The following RAD9A variants were observed in gnomAD, a reference collection of about 807,000 sequenced individuals.
RAD9A encodes the protein RAD9 checkpoint clamp component A, also known as cell cycle checkpoint control protein RAD9A.
A neutral mutation model predicts 41.2 loss-of-function variants in RAD9A; 25 were observed. The ratio of observed to expected loss-of-function variants is 0.61; its 90% CI spans 0.44 to 0.85. The LOEUF (loss-of-function observed/expected upper bound fraction) is 0.85. RAD9A is among the 40% of genes least tolerant of loss of function. RAD9A has a pLI of 0.00. For missense variants in RAD9A, 514 were observed against 518.3 expected (o/e 0.99, Z 0.08); for synonymous variants, 252 against 210.6 (o/e 1.20, Z -1.70).
chr11:67,397,260 C>T lies in RAD9A; in HGVS notation c.954C>T (p.Gly318=). The T allele has an allele frequency of 1.2e-6, 2 of 1,612,400 alleles. No homozygotes were observed. The highest frequency in any genetic ancestry group is 1.7e-6 in the Non-Finnish European group (2 of 1,178,870). Residue 318 remains glycine (G), a synonymous_variant, in exon 10 of 11, where the codon GGC becomes GGT. Coordinates refer to ENST00000307980, the MANE Select transcript of RAD9A (RefSeq NM_004584.3). Reference sequence around the variant, plus strand: ...TGGAAACCACTATAGGCAATGAGGGCTCGCGGGTGCTGCCCTCCATTTCCC... The same window carrying T: ...TGGAAACCACTATAGGCAATGAGGGTTCGCGGGTGCTGCCCTCCATTTCCC... ...IAMETTIGNE[G]SRVLPSISLS... is the part of the protein sequence containing the mutation.
chr11:67,393,279 C>G (rs945204354), intron 3 of RAD9A: 138 of 1,010,704 alleles, frequency 1.4e-4, no homozygotes, highest in Non-Finnish European at 1.6e-4. Context: ...GACTCCATCT[C>G]AAAAAAAAAA....
At chr11:67,392,259 T>TGGGGGGTTGGGGTGGGGGGGGGGGGG in intron 2 of RAD9A, 28 bp downstream of exon 2, 6 of 484,294 alleles carry the variant, frequency 1.2e-5, no homozygotes, top group East Asian at 5.2e-5. Context: ...GGGGGGCGGG[T>TGGGGGGTTGGGGTGGGGGGGGGGGGG]GGGACTCCAG....
rs1448526698 is a variant in RAD9A, at chr11:67,398,205, T to A, written c.*646T>A. ...GGCGAGAATCCAGCTTTGACCTTTA[T>A]TCAAGAGACCAGATGGGTTGCCCCA... On this transcript the variant is annotated 3_prime_UTR_variant, in exon 11 of 11. Transcript: ENST00000307980. The A allele has an allele frequency of 4.1e-5, 15 of 365,792 alleles. No individual in the cohort carries two copies. The highest frequency in any genetic ancestry group is 7.0e-5 in the Non-Finnish European group (14 of 199,190). 22.7% of individuals were successfully genotyped at this position (365,792 alleles called of 1,614,324 possible).
At position 67,396,396 on chromosome 11, in the gene RAD9A, C is replaced by T. The variant is rs1862696705; in HGVS notation, c.868C>T (p.His290Tyr). 1.2e-6 allele frequency: 2 copies of T among 1,613,606 alleles called. No individual in the cohort carries two copies. Among genetic ancestry groups the T allele is most frequent in the African/African-American group, 2.7e-5 (2 of 74,922 alleles). The change falls in exon 9 of 11, where the codon CAC becomes TAC. Residue 290 changes from histidine (H) to tyrosine (Y), a missense_variant. Transcript: ENST00000307980. The stretch of plus-strand genomic sequence containing the variant: ...CCAGCCAGTGCCTCAGCTCCAGGCT[C>T]ACAGGTGAGGGCACCTCCCCCCAAC... ...RHQPVPQLQA[H>Y]STPHPDDFAN... is the part of the protein sequence containing the mutation.
At position 67,398,380 on chromosome 11, in the gene RAD9A, A is replaced by G. The variant is rs534493605; in HGVS notation, c.*821A>G. 7.2e-5 allele frequency: 53 copies of G among 738,286 alleles called. No homozygotes were observed. The Middle Eastern group carries it at 1.2e-3, about 17-fold the overall frequency. 45.7% of individuals were successfully genotyped at this position (738,286 alleles called of 1,614,324 possible). A position where few individuals can be genotyped will look rare whatever the true frequency, so the allele number is the denominator to read the frequency against. ...CAGCCCTGGGGGACTGGACGCTGCT[A>G]TTGATTCATTAAAAAAAGAAAAGAA... On this transcript the variant is annotated 3_prime_UTR_variant, in exon 11 of 11. Coordinates refer to ENST00000307980, the MANE Select transcript of RAD9A (RefSeq NM_004584.3).
In RAD9A at chr11:67,397,458, T is replaced by C; in HGVS notation, c.1081-6T>C. 2 of 1,608,370 alleles carry C rather than the reference T, an allele frequency of 1.2e-6. No individual in the cohort carries two copies. The highest frequency in any genetic ancestry group is 1.7e-6 in the Non-Finnish European group (2 of 1,175,276). Reference sequence around the variant, plus strand: ...AGCCTCCAGAACTCACTTGTTCTCTTTCCAGTTCCGCTCACTGTTCTTCGG... The same window carrying C: ...AGCCTCCAGAACTCACTTGTTCTCTCTCCAGTTCCGCTCACTGTTCTTCGG... On this transcript the variant is annotated splice_polypyrimidine_tract_variant and splice_region_variant and intron_variant, in intron 10 of 10. Coordinates refer to ENST00000307980, the MANE Select transcript of RAD9A (RefSeq NM_004584.3).
chr11:67,394,776 G>A (rs1282433719), intron 5 of RAD9A, among the ~76,000 whole-genome samples: 2 of 151,194 alleles, frequency 1.3e-5, no homozygotes, highest in African/African-American at 4.9e-5. Context: ...CACCATGCCC[G>A]GCTAATTTTT....
intron 5 of RAD9A, among the ~76,000 whole-genome samples, chr11:67,394,572 TTGGGTAG>T (rs1448366518): frequency 6.6e-6 from 1 of 152,120 alleles, no homozygotes; most frequent in East Asian, 1.9e-4. Flanking sequence ...CAGAGCTCTT[TTGGGTAG>T]TGAGAGACGG....
At chr11:67,394,874 C>T (rs558737415) in intron 5 of RAD9A, among the ~76,000 whole-genome samples, 25 of 152,184 alleles carry the variant, frequency 1.6e-4, no homozygotes, top group African/African-American at 4.3e-4. Flanking sequence ...TCTCAGCCTC[C>T]CAAAGTACTG....
At position 67,397,405 on chromosome 11, in the gene RAD9A, G is replaced by A. The variant is rs1165537556; in HGVS notation, c.1080+19G>A. ...CAAGAAGGTAGGGACTGGAGGTGGA[G>A]GCAGGGGTGGGAGGTAGGGAAGGGA... On this transcript the variant is annotated intron_variant, in intron 10 of 10. Transcript: ENST00000307980. The A allele has an allele frequency of 2.5e-6, 4 of 1,589,852 alleles. No homozygotes were observed. The highest frequency in any genetic ancestry group is 3.4e-6 in the Non-Finnish European group (4 of 1,160,890).
Position 67,395,524 on chromosome 11 carries a change from G to C in RAD9A, c.450-192G>C. 8.5e-6 allele frequency: 5 copies of C among 588,654 alleles called. No individual in the cohort carries two copies. The South Asian group carries it at 1.0e-4, about 12-fold the overall frequency. The allele number at this position is 588,654 out of a possible 1,614,324, so 36.5% of individuals were successfully genotyped here. The stretch of plus-strand genomic sequence containing the variant: ...GCCCTCTCCCTGGTCTGCATGGTCA[G>C]GTGCCGCCTGCCAGGTTTGAGCAAC... On this transcript the variant is annotated intron_variant, in intron 5 of 10. Coordinates refer to ENST00000307980, the MANE Select transcript of RAD9A (RefSeq NM_004584.3).
Position 67,392,750 on chromosome 11 carries a change from C to A in RAD9A, c.202C>A (p.Gln68Lys). The A allele has an allele frequency of 6.2e-7, 1 of 1,614,060 alleles. No homozygotes were observed. Among genetic ancestry groups the A allele is most frequent in the Non-Finnish European group, 8.5e-7 (1 of 1,179,940 alleles). Residue 68 changes from glutamine to lysine, a missense_variant, in exon 3 of 11, where the codon CAG becomes AAG. Gln to Lys is a moderately conservative substitution (Grantham distance 53). Transcript: ENST00000307980. ...FQQYQAATPG[Q>K]DLLRCKILMK... is the part of the protein sequence containing the mutation. Reference sequence around the variant, plus strand: ...GCAATACCAGGCAGCCACCCCTGGTCAGGACCTGCTGCGCTGTAAGATCCT... The same window carrying A: ...GCAATACCAGGCAGCCACCCCTGGTAAGGACCTGCTGCGCTGTAAGATCCT...
rs764952145 is a variant in RAD9A, at chr11:67,396,357, TCCCCAGAGCGTCACCAGCCAGTG to T, written c.832_854del (p.Pro278SerfsTer16). 2.5e-6 allele frequency: 4 copies of T among 1,613,778 alleles called. No homozygotes were observed. Among genetic ancestry groups the T allele is most frequent in the Non-Finnish European group, 3.4e-6 (4 of 1,179,986 alleles). On this transcript the variant is annotated frameshift_variant, in exon 9 of 11. Coordinates refer to ENST00000307980, the MANE Select transcript of RAD9A (RefSeq NM_004584.3). LOFTEE classifies it high-confidence loss of function. ...CGACTCGCACTCCCAGGACCTGGGC[TCCCCAGAGCGTCACCAGCCAGTG>T]CCTCAGCTCCAGGCTCACAGGTGAG...
intron 2 of RAD9A, 24 bp downstream of exon 2, chr11:67,392,255 C>CGGGGG: frequency 4.4e-6 from 2 of 453,542 alleles, no homozygotes; most frequent in South Asian, 1.9e-5. Context: ...GTGTGGGGGG[C>CGGGGG]GGGTGGGACT....
At position 67,396,178 on chromosome 11, in the gene RAD9A, A is replaced by C; in HGVS notation, c.734+3A>C. 1 of 1,613,842 alleles carries C rather than the reference A, an allele frequency of 6.2e-7. No homozygotes were observed. The highest frequency in any genetic ancestry group is 8.5e-7 in the Non-Finnish European group (1 of 1,179,748). On this transcript the variant is annotated splice_donor_region_variant and intron_variant, in intron 8 of 10. Transcript: ENST00000307980. ...ATTCATTTTGATGCTCCAGGCAGGT[A>C]GTTCCCAGCCTTGGGACAGGGAAGG...
intron 3 of RAD9A, 155 bp from the exon 4 acceptor site, chr11:67,393,341 T>C: frequency 2.2e-6 from 3 of 1,382,956 alleles, no homozygotes; most frequent in East Asian, 2.7e-5. Flanking sequence ...AGGAAGAGCA[T>C]GAATGAGGCC....
Position 67,397,217 on chromosome 11 carries a change from A to C in RAD9A, c.911A>C (p.Asp304Ala). 1 of 1,613,568 alleles carries C rather than the reference A, an allele frequency of 6.2e-7. No individual in the cohort carries two copies. Among genetic ancestry groups the C allele is most frequent in the Non-Finnish European group, 8.5e-7 (1 of 1,179,824 alleles). ...GACGACTTTGCCAATGACGACATTG[A>C]CTCTTACATGATCGCCATGGAAACC... The part of the protein sequence containing the change: ...HPDDFANDDI[D>A]SYMIAMETTI... Residue 304 changes from aspartate (D) to alanine (A), a missense_variant, in exon 10 of 11, where the codon GAC becomes GCC. Around this residue, in one of 3 missense-constraint regions of RAD9A, gnomAD observed 216 missense variants for 184.2 expected, o/e 1.17. Coordinates refer to ENST00000307980, the MANE Select transcript of RAD9A (RefSeq NM_004584.3).
intron 2 of RAD9A, 109 bp downstream of exon 2, chr11:67,392,340 A>G (rs1862551542): frequency 9.4e-7 from 1 of 1,062,576 alleles, no homozygotes. Flanking sequence ...ATTTGTCGGC[A>G]AAGTTTCAGT....
intron 5 of RAD9A, among the ~76,000 whole-genome samples, chr11:67,394,907 C>G (rs374350360): frequency 1.2e-3 from 179 of 152,206 alleles, no homozygotes; most frequent in African/African-American, 4.1e-3. Flanking sequence ...TCAGCCACCA[C>G]ACTCAGTCTC....
Sources: allele counts gnomAD v4.1 joint callset (sites outside exome capture counted in the v4.1 genomes callset), GRCh38; gene constraint gnomAD v4.1.1; regional missense constraint gnomAD v4.1.1; transcripts MANE v1.5; gene names NCBI Gene and HGNC (gene_info 2026-07-23, HGNC 2026-07-21).